DIAPH3: variants seen among roughly 807,000 people sequenced by gnomAD.
DIAPH3 encodes the protein protein diaphanous homolog 3.
In DIAPH3, 117 loss-of-function variants were observed where a neutral mutation model predicts 144.3. That is an observed-to-expected ratio of 0.81 (90% CI 0.70 to 0.95). The LOEUF (loss-of-function observed/expected upper bound fraction) is 0.95. DIAPH3 is among the 40% of genes least tolerant of loss of function. The pLI is 0.00. For missense variants in DIAPH3, 1,421 were observed against 1,412.7 expected (o/e 1.01, Z -0.09); for synonymous variants, 519 against 488.9 (o/e 1.06, Z -0.81).
At chr13:59,807,522 T>G (rs2040256920) in intron 25 of DIAPH3, among the ~76,000 whole-genome samples, 1 of 152,028 alleles carries the variant, frequency 6.6e-6, no homozygotes, top group Non-Finnish European at 1.5e-5. Flanking sequence ...TACAGATATA[T>G]TACTTTAAAC....
At chr13:60,013,109 T>C (rs2053390423) in intron 7 of DIAPH3, 3 of 985,214 alleles carry the variant, frequency 3.0e-6, no homozygotes, top group Non-Finnish European at 2.4e-6. Context: ...GCATGACAAA[T>C]TTTGAAAGGT....
At chr13:60,084,645 C>A (rs987045338) in intron 4 of DIAPH3, among the ~76,000 whole-genome samples, 60 of 151,946 alleles carry the variant, frequency 3.9e-4, no homozygotes, top group African/African-American at 1.4e-3. Flanking sequence ...CAGTAATATA[C>A]AAGGAATAGT....
intron 5 of DIAPH3, among the ~76,000 whole-genome samples, chr13:60,022,768 T>A (rs867940341): frequency 8.5e-5 from 13 of 152,354 alleles, no homozygotes; most frequent in Non-Finnish European, 1.5e-4. Flanking sequence ...GTGTTAAGAA[T>A]GTAAATACAT....
intron 27 of DIAPH3, among the ~76,000 whole-genome samples, chr13:59,676,640 C>T (rs1326676252): frequency 6.6e-6 from 1 of 152,064 alleles, no homozygotes; most frequent in Non-Finnish European, 1.5e-5. Flanking sequence ...AATGAACATG[C>T]AAAACAATAT....
At chr13:59,790,703 T>C (rs1841031538) in intron 25 of DIAPH3, among the ~76,000 whole-genome samples, 1 of 151,648 alleles carries the variant, frequency 6.6e-6, no homozygotes, top group Non-Finnish European at 1.5e-5. Flanking sequence ...TCTGAATGAG[T>C]GAAAATTGGT....
intron 21 of DIAPH3, among the ~76,000 whole-genome samples, chr13:59,874,675 A>T (rs1031134534): frequency 6.6e-6 from 1 of 152,210 alleles, no homozygotes; most frequent in African/African-American, 2.4e-5. Flanking sequence ...GGATAAATTT[A>T]AAGTGGGATC....
At chr13:59,921,132 C>T (rs1187023661) in intron 18 of DIAPH3, among the ~76,000 whole-genome samples, 1 of 139,134 alleles carries the variant, frequency 7.2e-6, no homozygotes, top group African/African-American at 2.6e-5. Flanking sequence ...AATGTCTACA[C>T]TAAAAAAAAA....
At chr13:59,828,158 T>C (rs142974066) in intron 24 of DIAPH3, among the ~76,000 whole-genome samples, 167 of 152,124 alleles carry the variant, frequency 1.1e-3, no homozygotes, top group African/African-American at 3.8e-3. Flanking sequence ...GTACCTCCAA[T>C]CTGAACTTTT....
chr13:59,763,157 T>C (rs2037688922), intron 27 of DIAPH3, among the ~76,000 whole-genome samples: 1 of 152,174 alleles, frequency 6.6e-6, no homozygotes, highest in Non-Finnish European at 1.5e-5. Context: ...TGCTACCTTG[T>C]TTTCCATATC....
In DIAPH3 at chr13:59,916,228, C is replaced by T. The variant is rs1022665909; in HGVS notation, c.2192G>A (p.Arg731Gln). The T allele has an allele frequency of 7.4e-6, 12 of 1,612,638 alleles. No individual in the cohort carries two copies. Among genetic ancestry groups the T allele is most frequent in the Admixed American group, 1.7e-5 (1 of 59,916 alleles). ...CATTCTGATTTCCTCATATGGCACC[C>T]GAAAAGAGCTCAGGAAGATTGCTAA... is the stretch of plus-strand genomic sequence containing the variant. ...QNLSIFLSSFRVPYEEIRMMI... is the reference protein window; with the variant it reads ...QNLSIFLSSFQVPYEEIRMMI... Residue 731 changes from arginine to glutamine, a missense_variant, in exon 19 of 28, where the codon CGG (arginine) becomes CAG (glutamine). By Grantham distance (43) the Arg-to-Gln change is conservative (BLOSUM62 1). Coordinates refer to ENST00000400324, the MANE Select transcript of DIAPH3 (RefSeq NM_001042517.2).
chr13:59,865,185 A>T (rs1384105401), intron 21 of DIAPH3, among the ~76,000 whole-genome samples: 1 of 152,008 alleles, frequency 6.6e-6, no homozygotes, highest in East Asian at 1.9e-4. Context: ...GTCTTCCAAA[A>T]GCATCAAAGC....
In DIAPH3 at chr13:59,710,902, G is replaced by A. The variant is rs540709046; in HGVS notation, c.3320-44056C>T. Among the ~76,000 whole-genome samples, 3 of 152,186 alleles carry A rather than the reference G, an allele frequency of 2.0e-5. No homozygotes were observed. In the East Asian group the frequency reaches 5.8e-4, roughly 29 times the overall value. On this transcript the variant is annotated intron_variant, in intron 27 of 27. Transcript: ENST00000400324. ...TTTAAGCAACACAATTTATTATACA[G>A]AACAAAACAATACTTTGAGATGAGT...
intron 27 of DIAPH3, among the ~76,000 whole-genome samples, chr13:59,711,617 T>C (rs577273191): frequency 1.1e-4 from 16 of 152,308 alleles, no homozygotes; most frequent in African/African-American, 3.8e-4. Context: ...GTCTTTTACT[T>C]GAATTACTTC....
At chr13:59,917,817 G>C (rs2047295616) in intron 18 of DIAPH3, among the ~76,000 whole-genome samples, 1 of 136,978 alleles carries the variant, frequency 7.3e-6, no homozygotes, top group Non-Finnish European at 1.5e-5. Context: ...TTGAAACTAA[G>C]AGGCAGAGGT....
At chr13:60,001,864 A>C (rs990122275) in intron 9 of DIAPH3, among the ~76,000 whole-genome samples, 8 of 152,192 alleles carry the variant, frequency 5.3e-5, no homozygotes, top group South Asian at 2.1e-4. Context: ...CTGACTTACT[A>C]TGTGTACTCT....
At chr13:59,857,453 T>C (rs2043321368) in intron 22 of DIAPH3, among the ~76,000 whole-genome samples, 2 of 152,116 alleles carry the variant, frequency 1.3e-5, no homozygotes, top group African/African-American at 4.8e-5. Flanking sequence ...GAAAGCATAG[T>C]ATTAAATGGA....
rs1167902415 is a variant in DIAPH3, at chr13:59,929,554, C to CTT, written c.2075-4686_2075-4685dup. ...TTTTTCTCCATATCTAAATTTTGTT[C>CTT]TTTTTTTTTTTTTTTTTTTTTTTTT... is the stretch of plus-strand genomic sequence containing the variant. On this transcript the variant is annotated intron_variant, in intron 17 of 27. Transcript: ENST00000400324. 4.8e-3 allele frequency among the ~76,000 whole-genome samples: 271 copies of CTT among 56,092 alleles called. 29 individuals carry two copies. Among genetic ancestry groups the CTT allele is most frequent in the East Asian group, 0.018 (29 of 1,598 alleles). 36.8% of individuals were successfully genotyped at this position (56,092 alleles called of 152,430 possible). A position where few individuals can be genotyped will look rare whatever the true frequency, so the allele number is the denominator to read the frequency against.
At chr13:60,033,487 C>T (rs941794963) in intron 5 of DIAPH3, among the ~76,000 whole-genome samples, 3 of 152,150 alleles carry the variant, frequency 2.0e-5, no homozygotes, top group African/African-American at 4.8e-5. Context: ...CCTTCTGGGT[C>T]GGCCTTAGGA....
chr13:59,955,080 GTA>G (rs10523754), intron 17 of DIAPH3, among the ~76,000 whole-genome samples: 94,539 of 139,504 alleles, frequency 0.68, 30,882 homozygotes, highest in African/African-American at 0.75. Flanking sequence ...ATATATACAT[GTA>G]TATATATATA....
Sources: gnomAD v4.1 joint callset for allele counts (sites outside exome capture counted in the v4.1 genomes callset) on GRCh38, gnomAD v4.1.1 for gene constraint, MANE v1.5 for transcripts, NCBI Gene and HGNC (gene_info 2026-07-23, HGNC 2026-07-21) for gene names.